The following CAPN6 variants were observed in gnomAD, a reference collection of about 807,000 sequenced individuals.
CAPN6 encodes calpain 6.
Under a neutral mutation model 46.0 loss-of-function variants are expected in CAPN6, and 16 were observed. The observed-to-expected ratio is 0.35, with a 90% CI of 0.24 to 0.53. The LOEUF is 0.53. Among genes scored for constraint, CAPN6 ranks in the 20% least tolerant of loss-of-function variants. CAPN6 has a pLI of 0.94. For missense variants in CAPN6, 461 were observed against 498.0 expected (o/e 0.93, Z 0.71); for synonymous variants, 206 against 172.8 (o/e 1.19, Z -1.51).
chrX:111,268,386 G>A (rs753103199), intron 1 of CAPN6, among the ~76,000 whole-genome samples: 288 of 112,416 alleles, frequency 2.6e-3, no homozygotes, highest in Middle Eastern at 4.6e-3. Context: ...TTTCCACATA[G>A]CACAATGGGA....
chrX:111,255,641 C>CT (rs1187973361), intron 2 of CAPN6, among the ~76,000 whole-genome samples: 2 of 112,231 alleles, frequency 1.8e-5, no homozygotes, highest in African/African-American at 6.5e-5. Flanking sequence ...CCTCAAACCT[C>CT]TTTTTTTAAT....
intron 1 of CAPN6, among the ~76,000 whole-genome samples, chrX:111,269,075 A>G (rs2094994128): frequency 1.8e-5 from 2 of 112,447 alleles, no homozygotes; most frequent in African/African-American, 6.5e-5. Context: ...GGCTAATCAA[A>G]GAAACACTGT....
chrX:111,259,049 A>T (rs1447825303), intron 2 of CAPN6, among the ~76,000 whole-genome samples: 1 of 111,867 alleles, frequency 8.9e-6, no homozygotes, highest in African/African-American at 3.3e-5. Context: ...GGGTGGAGGG[A>T]TTACTCCCTT....
chrX:111,252,194 C>A (rs1183023497), intron 5 of CAPN6, 113 bp downstream of exon 5: 2 of 576,014 alleles, frequency 3.5e-6, no homozygotes, highest in Admixed American at 7.0e-5. Context: ...CTTTCCAAGT[C>A]CCATTAATAG....
intron 2 of CAPN6, among the ~76,000 whole-genome samples, chrX:111,255,199 G>A (rs943757278): frequency 8.9e-6 from 1 of 111,987 alleles, no homozygotes; most frequent in African/African-American, 3.2e-5. Context: ...AACACAAAGC[G>A]ATAGGGCACA....
chrX:111,270,405 C>CTGT lies in CAPN6; in HGVS notation c.-51_-50insACA. 2.8e-6 allele frequency: 1 copy of CTGT among 351,079 alleles called. No individual in the cohort carries two copies. 28.9% of individuals were successfully genotyped at this position (351,079 alleles called of 1,213,427 possible). A position where few individuals can be genotyped will look rare whatever the true frequency, so the allele number is the denominator to read the frequency against. ...CCCAGGAGCCCTGCTGCTGCTGCTG[C>CTGT]TGCTGCTGCTGCTGCTGCTGCCGTT... On this transcript the variant is annotated 5_prime_UTR_variant, in exon 1 of 13. Coordinates refer to ENST00000324068, the MANE Select transcript of CAPN6 (RefSeq NM_014289.4).
At chrX:111,250,528 C>T (rs961899891) in intron 8 of CAPN6, among the ~76,000 whole-genome samples, 18 of 110,996 alleles carry the variant, frequency 1.6e-4, no homozygotes, top group African/African-American at 5.9e-4. Flanking sequence ...AGTAAATGTG[C>T]ACCCCAGAGA....
chrX:111,247,860 G>T lies in CAPN6; in HGVS notation c.1606+11C>A, dbSNP rs1371576027. 6 of 1,205,657 alleles carry T rather than the reference G, an allele frequency of 5.0e-6. No homozygotes were observed. The South Asian group carries it at 7.1e-5, about 14-fold the overall frequency. ...GAATTTTGCTTTCCCAGACATTCCT[G>T]CCATTCTTACTTTCATTGGCATACT... is the stretch of plus-strand genomic sequence containing the variant. On this transcript the variant is annotated intron_variant, in intron 11 of 12. Transcript: ENST00000324068.
chrX:111,249,017 A>T lies in CAPN6; in HGVS notation c.1199T>A (p.Met400Lys). 1 of 1,211,685 alleles carries T rather than the reference A, an allele frequency of 8.3e-7. No homozygotes were observed. Among genetic ancestry groups the T allele is most frequent in the Non-Finnish European group, 1.1e-6 (1 of 895,311 alleles). Residue 400 changes from methionine (M) to lysine (K), a missense_variant, in exon 9 of 13, where the codon ATG becomes AAG. Met to Lys is a moderately conservative substitution (Grantham distance 95, BLOSUM62 -1). Coordinates refer to ENST00000324068, the MANE Select transcript of CAPN6 (RefSeq NM_014289.4). ...GCGCAGGTCCTTCTGCTGCAGTGACATAATGACCTTGTGCCCATCCTCAGG... is the reference window on the plus strand; with the variant it reads ...GCGCAGGTCCTTCTGCTGCAGTGACTTAATGACCTTGTGCCCATCCTCAGG... The part of the protein sequence containing the change: ...TVPEDGHKVI[M>K]SLQQKDLRTY...
intron 4 of CAPN6, 26 bp from the exon 5 acceptor site, chrX:111,252,525 T>A: frequency 8.7e-7 from 1 of 1,148,453 alleles, no homozygotes; most frequent in Non-Finnish European, 1.2e-6. Context: ...CAAGGTTATC[T>A]TTGTAAAATT....
intron 2 of CAPN6, among the ~76,000 whole-genome samples, chrX:111,256,555 G>C (rs1356706646): frequency 8.9e-6 from 1 of 111,971 alleles, no homozygotes; most frequent in East Asian, 2.8e-4. Flanking sequence ...TTAGTGGTTG[G>C]AGATACATTA....
chrX:111,251,053 C>T lies in CAPN6; in HGVS notation c.1022G>A (p.Arg341His), dbSNP rs746415109. 4.1e-6 allele frequency: 5 copies of T among 1,211,172 alleles called. No homozygotes were observed. Among genetic ancestry groups the T allele is most frequent in the Admixed American group, 2.2e-5 (1 of 45,998 alleles). Residue 341 changes from arginine (R) to histidine (H), a missense_variant, in exon 8 of 13, where the codon CGC becomes CAC. Arg to His is a conservative substitution (Grantham distance 29, BLOSUM62 0). Coordinates refer to ENST00000324068, the MANE Select transcript of CAPN6 (RefSeq NM_014289.4). ...GCCAAAAATAGGGTTGTTCACATTG[C>T]GGCAGACATTCAGTTTGTGAAAGTT... ...CRNFHKLNVC[R>H]NVNNPIFGRK...
chrX:111,259,895 G>A (rs2094986565), intron 2 of CAPN6, among the ~76,000 whole-genome samples: 2 of 111,417 alleles, frequency 1.8e-5, no homozygotes, highest in African/African-American at 6.5e-5. Context: ...GATTTTCTGT[G>A]GGAATTTGGC....
At chrX:111,265,667 T>G (rs1299137979) in intron 1 of CAPN6, among the ~76,000 whole-genome samples, 1 of 112,081 alleles carries the variant, frequency 8.9e-6, no homozygotes, top group African/African-American at 3.2e-5. Context: ...CAAACACTAC[T>G]GCGCCTCTTG....
At chrX:111,266,440 C>A (rs2094992053) in intron 1 of CAPN6, among the ~76,000 whole-genome samples, 1 of 110,860 alleles carries the variant, frequency 9.0e-6, no homozygotes, top group Non-Finnish European at 1.9e-5. Context: ...AGAAAGTGAT[C>A]CATAAATGCA....
chrX:111,268,208 G>A (rs1430759549), intron 1 of CAPN6, among the ~76,000 whole-genome samples: 1 of 111,209 alleles, frequency 9.0e-6, no homozygotes, highest in African/African-American at 3.3e-5. Context: ...TCTGTTCAAA[G>A]CCATTCAAAG....
At chrX:111,261,728 T>C (rs2094988065) in intron 2 of CAPN6, among the ~76,000 whole-genome samples, 1 of 112,156 alleles carries the variant, frequency 8.9e-6, no homozygotes, top group Non-Finnish European at 1.9e-5. Context: ...GGAAACACTG[T>C]CTGCTTGGTG....
intron 2 of CAPN6, among the ~76,000 whole-genome samples, chrX:111,255,148 C>T (rs2094982788): frequency 9.0e-6 from 1 of 111,722 alleles, no homozygotes; most frequent in African/African-American, 3.3e-5. Context: ...TGTGCCTTTC[C>T]CACTGGGAGT....
intron 8 of CAPN6, among the ~76,000 whole-genome samples, chrX:111,250,491 C>A (rs1008673046): frequency 6.3e-5 from 7 of 110,975 alleles, no homozygotes; most frequent in Admixed American, 9.6e-5. Flanking sequence ...TCAAAAGAGT[C>A]ATCTGCATTA....
Sources: allele counts gnomAD v4.1 joint callset (sites outside exome capture counted in the v4.1 genomes callset), GRCh38; gene constraint gnomAD v4.1.1; transcripts MANE v1.5; gene names NCBI Gene and HGNC (gene_info 2026-07-23, HGNC 2026-07-21).